The following NYAP2 variants were observed in gnomAD, a reference collection of about 807,000 sequenced individuals.
NYAP2 encodes neuronal tyrosine-phosphorylated phosphoinositide-3-kinase adapter 2.
Under a neutral mutation model 50.4 loss-of-function variants are expected in NYAP2, and 23 were observed. The observed-to-expected ratio is 0.46, with a 90% confidence interval of 0.33 to 0.65. The LOEUF is 0.65. Ranked by LOEUF, NYAP2 falls within the 30% of genes least tolerant of loss-of-function variation. The pLI is 0.02. For missense variants in NYAP2, 885 were observed against 861.0 expected, an observed-to-expected ratio of 1.03 and a Z score of -0.35; for synonymous variants, 394 against 365.2, an observed-to-expected ratio of 1.08 and a Z score of -0.90.
intron 3 of NYAP2, among the ~76,000 whole-genome samples, chr2:225,493,947 C>T (rs1690456141): frequency 6.6e-6 from 1 of 152,194 alleles, no homozygotes; most frequent in African/African-American, 2.4e-5. Flanking sequence ...ACTTCTTGAA[C>T]CACTCAAAGT....
At chr2:225,622,553 CT>C (rs762567899) in intron 5 of NYAP2, among the ~76,000 whole-genome samples, 1 of 40,756 alleles carries the variant, frequency 2.5e-5, no homozygotes, top group East Asian at 5.4e-4. Flanking sequence ...TTCTTTCTTT[CT>C]TTCTTTTTCT....
intron 5 of NYAP2, among the ~76,000 whole-genome samples, chr2:225,622,409 C>A (rs116610594): frequency 2.0e-5 from 3 of 152,100 alleles, no homozygotes; most frequent in Non-Finnish European, 4.4e-5. Context: ...CTTCCTGCCC[C>A]CAGCTAGAGA....
At chr2:225,404,938 C>T (rs893882995) in intron 2 of NYAP2, among the ~76,000 whole-genome samples, 2 of 151,896 alleles carry the variant, frequency 1.3e-5, no homozygotes, top group Non-Finnish European at 2.9e-5. Context: ...CCAGGAGGGT[C>T]CCTGACACAA....
chr2:225,696,690 C>T, the NYAP2 span, among the ~76,000 whole-genome samples: 990 of 152,058 alleles, frequency 6.5e-3, 13 homozygotes, highest in African/African-American at 0.021. Context: ...CTAAAATCCA[C>T]GTTCACAGTT....
At chr2:225,418,807 T>G (rs1304479316) in intron 3 of NYAP2, among the ~76,000 whole-genome samples, 2 of 152,180 alleles carry the variant, frequency 1.3e-5, no homozygotes, top group Non-Finnish European at 2.9e-5. Flanking sequence ...AAGTCAAAAA[T>G]TTTGAATACT....
At chr2:225,522,298 T>C (rs1310399110) in intron 4 of NYAP2, among the ~76,000 whole-genome samples, 3 of 152,170 alleles carry the variant, frequency 2.0e-5, no homozygotes, top group African/African-American at 7.2e-5. Context: ...AACTTCTTTA[T>C]TATATAATTT....
chr2:225,676,251 C>G, the NYAP2 span, among the ~76,000 whole-genome samples: 1 of 151,930 alleles, frequency 6.6e-6, no homozygotes, highest in Non-Finnish European at 1.5e-5. Flanking sequence ...AGGGTATTTC[C>G]TGTTTTTTTT....
chr2:225,593,709 C>G (rs978168288), intron 5 of NYAP2, among the ~76,000 whole-genome samples: 3 of 152,116 alleles, frequency 2.0e-5, no homozygotes, highest in Admixed American at 1.3e-4. Context: ...ATACTTGATC[C>G]AATACAATCT....
At chr2:225,662,414 A>C in the NYAP2 span, among the ~76,000 whole-genome samples, 8 of 152,360 alleles carry the variant, frequency 5.3e-5, no homozygotes, top group East Asian at 1.4e-3. Context: ...GCACACATAG[A>C]TATCAGCTTC....
At chr2:225,422,215 A>G (rs2106127600) in intron 3 of NYAP2, among the ~76,000 whole-genome samples, 1 of 152,308 alleles carries the variant, frequency 6.6e-6, no homozygotes, top group East Asian at 1.9e-4. Flanking sequence ...ATAAAGAGAG[A>G]TCGGGAAGGG....
At chr2:225,665,838 G>T in the NYAP2 span, among the ~76,000 whole-genome samples, 1 of 22,788 alleles carries the variant, frequency 4.4e-5, no homozygotes, top group Non-Finnish European at 1.1e-4. Context: ...AAAAAAAAAA[G>T]CCCACCACCC....
intron 3 of NYAP2, among the ~76,000 whole-genome samples, chr2:225,451,083 G>T (rs1689643024): frequency 6.6e-6 from 1 of 152,096 alleles, no homozygotes; most frequent in South Asian, 2.1e-4. Flanking sequence ...GCCATAAAGA[G>T]AATAATTTTC....
chr2:225,513,444 A>C (rs1166710081), exon 4 of NYAP2: 2 of 1,614,016 alleles, frequency 1.2e-6, no homozygotes, highest in Non-Finnish European at 1.7e-6. Context: ...ATTCATGACA[A>C]TGCCTGCTCC....
chr2:225,532,829 T>C (rs1301789119), intron 4 of NYAP2, among the ~76,000 whole-genome samples: 1 of 152,114 alleles, frequency 6.6e-6, no homozygotes, highest in East Asian at 1.9e-4. Context: ...TACAAGGCCT[T>C]GATTATGATC....
At chr2:225,434,673 ACTGT>A (rs892287154) in intron 3 of NYAP2, among the ~76,000 whole-genome samples, 2 of 152,190 alleles carry the variant, frequency 1.3e-5, no homozygotes, top group African/African-American at 4.8e-5. Context: ...AAGACTGTAC[ACTGT>A]CTTATTTCAT....
At chr2:225,600,981 C>T (rs970635333) in intron 5 of NYAP2, among the ~76,000 whole-genome samples, 2 of 152,146 alleles carry the variant, frequency 1.3e-5, no homozygotes, top group African/African-American at 4.8e-5. Context: ...GTTGTTTCCA[C>T]CTCTTGGCTA....
At chr2:225,464,606 T>C (rs946235061) in intron 3 of NYAP2, among the ~76,000 whole-genome samples, 1 of 152,232 alleles carries the variant, frequency 6.6e-6, no homozygotes, top group African/African-American at 2.4e-5. Flanking sequence ...TGTGGATCCA[T>C]GGTTACCAGA....
rs548197427 is a variant in NYAP2, at chr2:225,400,608, T to TC, written c.-451dup. 5.9e-5 allele frequency: 9 copies of TC among 152,080 alleles called. No homozygotes were observed. Among genetic ancestry groups the TC allele is most frequent in the Non-Finnish European group, 1.3e-4 (9 of 67,992 alleles). The allele number at this position is 152,080 out of a possible 1,614,324, so 9.4% of individuals were successfully genotyped here. On this transcript the variant is annotated 5_prime_UTR_variant, in exon 2 of 7. The change creates a premature stop within an existing upstream ORF in the 5' untranslated region. Transcript: ENST00000636099. ...TAGCCAGCTTGGTGATTGCTTCTGGTCCTGTAATCATCTGTGTAGCAAAGT... is the reference window on the plus strand; with the variant it reads ...TAGCCAGCTTGGTGATTGCTTCTGGTCCCTGTAATCATCTGTGTAGCAAAGT...
At chr2:225,459,620 CTATT>C (rs546809089) in intron 3 of NYAP2, among the ~76,000 whole-genome samples, 136 of 151,708 alleles carry the variant, frequency 9.0e-4, no homozygotes, top group Middle Eastern at 3.4e-3. Context: ...ATTTTTTCCT[CTATT>C]TATTTATTTA....
Sources: allele counts gnomAD v4.1 joint callset (sites outside exome capture counted in the v4.1 genomes callset), GRCh38; gene constraint gnomAD v4.1.1; transcripts MANE v1.5; gene names NCBI Gene and HGNC (gene_info 2026-07-23, HGNC 2026-07-21).